Variants in ZSCAN31 observed in about 807,000 individuals in gnomAD.
ZSCAN31 encodes the protein zinc finger and SCAN domain containing 31, also known as zinc finger and SCAN domain-containing protein 31.
A neutral mutation model predicts 22.5 loss-of-function variants in ZSCAN31; 14 were observed. That is an observed-to-expected ratio of 0.62 (90% CI 0.41 to 0.97). The LOEUF (loss-of-function observed/expected upper bound fraction) is 0.97. Among genes scored for constraint, ZSCAN31 ranks in the 50% least tolerant of loss-of-function variants. The pLI is 0.00. For synonymous variants in ZSCAN31, 168 were observed against 169.8 expected (o/e 0.99, Z 0.08); for missense variants, 424 against 483.4 (o/e 0.88, Z 1.15).
Position 28,328,173 on chromosome 6 carries a change from A to G in ZSCAN31, c.382-640T>C, listed in dbSNP as rs1646642941. Among the ~76,000 whole-genome samples the G allele has an allele frequency of 2.0e-5, 3 of 152,252 alleles. No homozygotes were observed. The South Asian group carries it at 6.2e-4, about 32-fold the overall frequency. ...TCACAGGACCACAGGACCAAGGCGA[A>G]ATTAAAATTGCTAATGAAGTTTCGG... On this transcript the variant is annotated intron_variant, in intron 2 of 3. Transcript: ENST00000344279.
At chr6:28,343,935 C>T (rs552239049) in intron 2 of ZSCAN31, among the ~76,000 whole-genome samples, 1 of 152,122 alleles carries the variant, frequency 6.6e-6, no homozygotes, top group Non-Finnish European at 1.5e-5. Context: ...AAAGGAGGAA[C>T]AAAAGCATGA....
chr6:28,337,403 T>C (rs1358563177), upstream of ZSCAN31, among the ~76,000 whole-genome samples: 1 of 152,140 alleles, frequency 6.6e-6, no homozygotes, highest in East Asian at 1.9e-4. Flanking sequence ...GGGGATGGAC[T>C]GTAAGGAAAT....
upstream of ZSCAN31, among the ~76,000 whole-genome samples, chr6:28,338,447 G>A (rs1764285745): frequency 6.6e-6 from 1 of 151,840 alleles, no homozygotes; most frequent in African/African-American, 2.4e-5. Flanking sequence ...AATTTTTTTT[G>A]TAATTGTAAT....
chr6:28,336,964 C>G (rs1395013456), upstream of ZSCAN31: 1 of 151,862 alleles, frequency 6.6e-6, no homozygotes, highest in Non-Finnish European at 1.5e-5. Context: ...AGCGTGTAAA[C>G]AAGTAACTGC....
chr6:28,343,860 A>G (rs532511990), intron 2 of ZSCAN31, among the ~76,000 whole-genome samples: 1 of 152,268 alleles, frequency 6.6e-6, no homozygotes, highest in African/African-American at 2.4e-5. Flanking sequence ...ACAGATTAAT[A>G]TGACCTCAGG....
rs779239986 is a variant in ZSCAN31, at chr6:28,329,312, TG to T, written c.371del (p.Pro124GlnfsTer23). On this transcript the variant is annotated frameshift_variant, in exon 2 of 4. Coordinates refer to ENST00000344279, the MANE Select transcript of ZSCAN31 (RefSeq NM_030899.5). LOFTEE classifies it high-confidence loss of function. The stretch of plus-strand genomic sequence containing the variant: ...ATCTTTCTCCTCTCACCTGGTTCCC[TG>T]GCTCACTAAGCTCTTGTTCCAGATC... ...VEDLEQELSEPGNQAPDHEHG... is the reference protein window; with the variant it reads ...VEDLEQELSEXGNQAPDHEHG... The T allele has an allele frequency of 4.4e-6, 7 of 1,577,732 alleles. 1 individual carries two copies. The South Asian group carries it at 8.2e-5, about 18-fold the overall frequency.
At chr6:28,327,559 TAA>T (rs754034629) in intron 2 of ZSCAN31, 26 bp from the exon 3 acceptor site, 6 of 1,608,088 alleles carry the variant, frequency 3.7e-6, no homozygotes, top group South Asian at 2.2e-5. Context: ...CATATTTGGT[TAA>T]AGAGGGGGAT....
chr6:28,338,075 A>G (rs1173616574), upstream of ZSCAN31, among the ~76,000 whole-genome samples: 1 of 138,728 alleles, frequency 7.2e-6, no homozygotes, highest in Admixed American at 7.0e-5. Flanking sequence ...ATAAAGAAGG[A>G]AAAAGAAAAA....
chr6:28,348,837 T>C (rs1764760075), intron 2 of ZSCAN31, among the ~76,000 whole-genome samples: 1 of 152,124 alleles, frequency 6.6e-6, no homozygotes, highest in South Asian at 2.1e-4. Context: ...CTTTATGATA[T>C]TGAGTTCTCA....
Position 28,326,504 on chromosome 6 carries a change from A to C in ZSCAN31, c.883T>G (p.Tyr295Asp). 1.2e-6 allele frequency: 2 copies of C among 1,614,174 alleles called. No individual in the cohort carries two copies. The highest frequency in any genetic ancestry group is 1.7e-6 in the Non-Finnish European group (2 of 1,180,022). The stretch of plus-strand genomic sequence containing the variant: ...GCTTTCCCACACTCCTTACATTGAT[A>C]GGGTTTCTCTCCAGTGTGGCTCCGC... ...HRRSHTGEKP[Y>D]QCKECGKAFS... Residue 295 changes from tyrosine to aspartate, a missense_variant, in exon 4 of 4, where the codon TAT becomes GAT. Physicochemically the swap from Tyr to Asp is radical, Grantham distance 160. Coordinates refer to ENST00000344279, the MANE Select transcript of ZSCAN31 (RefSeq NM_030899.5).
Position 28,325,997 on chromosome 6 carries a change from A to G in ZSCAN31, c.*169T>C. On this transcript the variant is annotated 3_prime_UTR_variant, in exon 4 of 4. Coordinates refer to ENST00000344279, the MANE Select transcript of ZSCAN31 (RefSeq NM_030899.5). ...AAGTGGTTCAATGCAATACAAAATA[A>G]ATTTTATAAGAACAGAATAAGCCAC... 1.5e-6 allele frequency: 1 copy of G among 658,626 alleles called. No homozygotes were observed. The highest frequency in any genetic ancestry group is 2.5e-5 in the East Asian group (1 of 39,396). The allele number at this position is 658,626 out of a possible 1,614,324, so 40.8% of individuals were successfully genotyped here.
Position 28,326,850 on chromosome 6 carries a change from A to G in ZSCAN31, c.537T>C (p.Gly179=). Residue 179 remains glycine, a synonymous_variant, in exon 4 of 4, where the codon GGT becomes GGC. Transcript: ENST00000344279. The part of the protein sequence containing the change: ...FCLHQFQEQD[G]ESIPENQELA... Reference sequence around the variant, plus strand: ...ACTCCTGGTTCTCAGGTATACTTTCACCATCTGGAATAATAAATGGACCAA... The same window carrying G: ...ACTCCTGGTTCTCAGGTATACTTTCGCCATCTGGAATAATAAATGGACCAA... 1 of 1,606,724 alleles carries G rather than the reference A, an allele frequency of 6.2e-7. No homozygotes were observed. Among genetic ancestry groups the G allele is most frequent in the African/African-American group, 1.3e-5 (1 of 74,702 alleles).
Position 28,351,828 on chromosome 6 carries a change from C to T in ZSCAN31, c.-371+2034G>A, listed in dbSNP as rs562646145. On this transcript the variant is annotated intron_variant, in intron 2 of 7. Coordinates refer to the ZSCAN31 transcript ENST00000396838. The surrounding 1 kb of genome is among the most constrained non-coding windows in gnomAD (Gnocchi z 4.6). ...TTGCAGATGGAAACATTTTAGTTCA[C>T]TCACAAGTACAAGTACTTCAGTGTC... Among the ~76,000 whole-genome samples the T allele has an allele frequency of 1.3e-5, 2 of 152,094 alleles. No homozygotes were observed. Among genetic ancestry groups the T allele is most frequent in the East Asian group, 3.9e-4 (2 of 5,172 alleles).
intron 2 of ZSCAN31, among the ~76,000 whole-genome samples, chr6:28,342,315 C>T (rs771796840): frequency 2.0e-4 from 31 of 152,212 alleles, no homozygotes; most frequent in Non-Finnish European, 3.4e-4. Flanking sequence ...TCCTCAGATT[C>T]TCCTGAACCC....
chr6:28,339,118 G>C (rs1236539990), upstream of ZSCAN31, among the ~76,000 whole-genome samples: 2 of 152,182 alleles, frequency 1.3e-5, no homozygotes, highest in Admixed American at 6.5e-5. Flanking sequence ...CTTCACTAGA[G>C]AATTAATCCA....
intron 1 of ZSCAN31, among the ~76,000 whole-genome samples, chr6:28,330,631 C>T (rs550297543): frequency 5.3e-5 from 8 of 152,248 alleles, no homozygotes; most frequent in African/African-American, 1.9e-4. Flanking sequence ...AAATCCAAAA[C>T]ACTCTGGTCC....
upstream of ZSCAN31, among the ~76,000 whole-genome samples, chr6:28,340,989 C>G (rs1289468104): frequency 6.6e-6 from 1 of 152,120 alleles, no homozygotes. Context: ...TAGAAAATGT[C>G]TTTATTTCAC....
Position 28,326,811 on chromosome 6 carries a change from T to C in ZSCAN31, c.576A>G (p.Gln192=). The change falls in exon 4 of 4, where the codon CAA becomes CAG. Residue 192 remains glutamine (Q), a synonymous_variant. Transcript: ENST00000344279. ...AATGTTCCATTTCTTTTAAGATTTC[T>C]TGCTTTGATGCCAACTCCTGGTTCT... ...IPENQELASK[Q]EILKEMEHLG... is the part of the protein sequence containing the mutation. 1 of 1,612,954 alleles carries C rather than the reference T, an allele frequency of 6.2e-7. No individual in the cohort carries two copies. The highest frequency in any genetic ancestry group is 8.5e-7 in the Non-Finnish European group (1 of 1,179,888).
chr6:28,344,088 G>A (rs555113650), intron 2 of ZSCAN31, among the ~76,000 whole-genome samples: 1 of 152,278 alleles, frequency 6.6e-6, no homozygotes, highest in East Asian at 1.9e-4. Context: ...TACTGATAAT[G>A]TATTATTCAG....
Sources: gnomAD v4.1 joint callset for allele counts (sites outside exome capture counted in the v4.1 genomes callset) on GRCh38, gnomAD v4.1.1 for gene constraint, Gnocchi (gnomAD v3.1) non-coding constraint, MANE v1.5 for transcripts, NCBI Gene and HGNC (gene_info 2026-07-23, HGNC 2026-07-21) for gene names.